The following CPLANE1 variants were observed in gnomAD, a reference collection of about 807,000 sequenced individuals.
CPLANE1 encodes the protein ciliogenesis and planar polarity effector complex subunit 1.
In CPLANE1, 263 loss-of-function variants were observed where a neutral mutation model predicts 362.5. The ratio of observed to expected loss-of-function variants is 0.73; its 90% CI spans 0.66 to 0.80. The LOEUF (loss-of-function observed/expected upper bound fraction) is 0.80, where lower values mean the gene tolerates loss of function less well. Among genes scored for constraint, CPLANE1 ranks in the 30% least tolerant of loss-of-function variants. The pLI is 0.00. For synonymous variants in CPLANE1, 1,212 were observed against 1,302.6 expected (o/e 0.93, Z 1.50); for missense variants, 3,461 against 3,793.4 (o/e 0.91, Z 2.30).
rs779755677 is a variant in CPLANE1 at position 37,173,862 on chromosome 5, C to G, written c.6064G>C (p.Ala2022Pro). ...CTCTGGGTCTTCTGAGGTGTTGGAG[C>G]AGGTGGTTGTGAAGCAACATTGACT... is the stretch of plus-strand genomic sequence containing the variant. ...NGVNVASQPP[A>P]PTPQKTQRNE... The change falls in exon 32 of 53, where the codon GCT becomes CCT. Residue 2022 changes from alanine (A) to proline (P), a missense_variant. Physicochemically the swap from Ala to Pro is conservative, Grantham distance 27. Around this residue, in one of 2 missense-constraint regions of CPLANE1, gnomAD observed 3,380 missense variants for 3,666.1 expected, o/e 0.92. Transcript: ENST00000651892. 9.3e-6 allele frequency: 15 copies of G among 1,613,960 alleles called. No homozygotes were observed. Among genetic ancestry groups the G allele is most frequent in the Admixed American group, 3.3e-5 (2 of 60,004 alleles).
At chr5:37,241,868 G>C (rs2150743729) in intron 6 of CPLANE1, among the ~76,000 whole-genome samples, 1 of 152,102 alleles carries the variant, frequency 6.6e-6, no homozygotes, top group East Asian at 1.9e-4. Context: ...GGGCTCAAGT[G>C]ATCCTCCTGC....
downstream of CPLANE1, among the ~76,000 whole-genome samples, chr5:37,102,347 C>A (rs1757333692): frequency 6.6e-6 from 1 of 152,042 alleles, no homozygotes; most frequent in Non-Finnish European, 1.5e-5. Flanking sequence ...ACCATCATGA[C>A]CGGCTAATTT....
chr5:37,139,272 T>G (rs1768882451), intron 45 of CPLANE1, 68 bp downstream of exon 45: 1 of 1,356,516 alleles, frequency 7.4e-7, no homozygotes, highest in South Asian at 1.4e-5. Flanking sequence ...CACACACATA[T>G]GAACAAAATT....
rs547705616 is a variant in CPLANE1, at chr5:37,125,273, G to A, written c.8929C>T (p.His2977Tyr). Reference protein sequence around the residue: ...NELAEKRGQEHDPFCPRSNPL... With the variant: ...NELAEKRGQEYDPFCPRSNPL... The stretch of plus-strand genomic sequence containing the variant: ...TTGCTTCTGGGACAGAAAGGATCAT[G>A]TTCTTGCCCTCTCTTTTCTGCCAGC... Residue 2977 changes from histidine to tyrosine, a missense_variant, in exon 47 of 53, where the codon CAT becomes TAT. Physicochemically the swap from His to Tyr is moderately conservative, Grantham distance 83. Transcript: ENST00000651892. 2.7e-5 allele frequency: 43 copies of A among 1,613,920 alleles called. No homozygotes were observed. In the South Asian group the frequency reaches 4.6e-4, roughly 17 times the overall value.
intron 20 of CPLANE1, 88 bp downstream of exon 20, chr5:37,198,614 G>T: frequency 7.6e-7 from 1 of 1,311,726 alleles, no homozygotes; most frequent in Non-Finnish European, 1.0e-6. Flanking sequence ...AGGACTCCTT[G>T]GGAAAATATA....
intron 43 of CPLANE1, among the ~76,000 whole-genome samples, chr5:37,143,837 A>G (rs1770550103): frequency 6.6e-6 from 1 of 151,866 alleles, no homozygotes; most frequent in Non-Finnish European, 1.5e-5. Flanking sequence ...TGGAAGGCTG[A>G]GACAGGAGAA....
chr5:37,214,009 T>A (rs556837646), intron 15 of CPLANE1, among the ~76,000 whole-genome samples: 1 of 152,220 alleles, frequency 6.6e-6, no homozygotes, highest in South Asian at 2.1e-4. Context: ...AGAAAATGTT[T>A]TGGAGATTTG....
At chr5:37,196,871 G>A (rs1014714684) in intron 20 of CPLANE1, among the ~76,000 whole-genome samples, 3 of 151,966 alleles carry the variant, frequency 2.0e-5, no homozygotes, top group Non-Finnish European at 4.4e-5. Context: ...GTTGCGGTGA[G>A]CCGAGACCAT....
At chr5:37,218,183 A>G (rs1301384803) in intron 15 of CPLANE1, among the ~76,000 whole-genome samples, 3 of 152,112 alleles carry the variant, frequency 2.0e-5, no homozygotes, top group African/African-American at 4.8e-5. Context: ...CCTAACTGAT[A>G]AGAAGAGCTC....
Position 37,138,855 on chromosome 5 carries a change from T to C in CPLANE1, c.8664-7A>G. ...GAGCGGATGTACTGAAACACTTCAT[T>C]TGCAAATGTAATTTAAGAAATATAA... On this transcript the variant is annotated splice_polypyrimidine_tract_variant and splice_region_variant and intron_variant, in intron 45 of 52. Coordinates refer to ENST00000651892, the MANE Select transcript of CPLANE1 (RefSeq NM_001384732.1). 6.3e-7 allele frequency: 1 copy of C among 1,594,940 alleles called. No homozygotes were observed.
At chr5:37,181,286 G>A (rs1043024270) in intron 26 of CPLANE1, among the ~76,000 whole-genome samples, 5 of 151,938 alleles carry the variant, frequency 3.3e-5, no homozygotes, top group African/African-American at 9.7e-5. Flanking sequence ...ACAAAACAAT[G>A]GCAAAAAAAT....
At chr5:37,110,249 C>T (rs1431293388) in intron 51 of CPLANE1, among the ~76,000 whole-genome samples, 1 of 152,166 alleles carries the variant, frequency 6.6e-6, no homozygotes, top group Non-Finnish European at 1.5e-5. Flanking sequence ...CCCACCATAT[C>T]TCTCGTCACC....
intron 6 of CPLANE1, among the ~76,000 whole-genome samples, chr5:37,242,540 T>C (rs1379201620): frequency 6.6e-6 from 1 of 152,204 alleles, no homozygotes; most frequent in African/African-American, 2.4e-5. Flanking sequence ...AACCATAGCT[T>C]GTCTTATCTT....
rs758814412 is a variant in CPLANE1, at chr5:37,183,400, A to G, written c.4781T>C (p.Phe1594Ser). ...TCGTTTTAATGTTGTATGTACATCA[A>G]AAAGTAAAGAATTAAGTTCATGTTC... Reference protein sequence around the residue: ...LREHELNSLLFDVHTTLKRHQ... With the variant: ...LREHELNSLLSDVHTTLKRHQ... The change falls in exon 26 of 53, where the codon TTT becomes TCT. Residue 1594 changes from phenylalanine (F) to serine (S), a missense_variant. This residue lies in a region of CPLANE1 where 3,380 missense variants were observed against 3,666.1 expected (regional missense o/e 0.92). Transcript: ENST00000651892. 1 of 1,613,506 alleles carries G rather than the reference A, an allele frequency of 6.2e-7. No homozygotes were observed. Among genetic ancestry groups the G allele is most frequent in the East Asian group, 2.2e-5 (1 of 44,834 alleles).
intron 38 of CPLANE1, among the ~76,000 whole-genome samples, chr5:37,159,777 CT>C (rs893571728): frequency 1.3e-5 from 2 of 152,084 alleles, no homozygotes; most frequent in African/African-American, 4.8e-5. Flanking sequence ...GGTTTAACCG[CT>C]TTTTTAAGGG....
chr5:37,241,484 T>C (rs1201038559), intron 6 of CPLANE1, among the ~76,000 whole-genome samples: 2 of 151,932 alleles, frequency 1.3e-5, no homozygotes, highest in African/African-American at 4.8e-5. Context: ...GATAGATAGA[T>C]AGGTAGATAG....
At chr5:37,205,792 C>A (rs1790542455) in intron 17 of CPLANE1, among the ~76,000 whole-genome samples, 1 of 152,146 alleles carries the variant, frequency 6.6e-6, no homozygotes, top group Non-Finnish European at 1.5e-5. Flanking sequence ...CGGCTCACTG[C>A]AGCCTTGACC....
downstream of CPLANE1, among the ~76,000 whole-genome samples, chr5:37,101,895 T>G (rs1757309286): frequency 6.6e-6 from 1 of 152,170 alleles, no homozygotes; most frequent in Non-Finnish European, 1.5e-5. Context: ...CATAGAGGTG[T>G]TTATAGTATT....
At chr5:37,135,702 A>T (rs949406007) in intron 46 of CPLANE1, among the ~76,000 whole-genome samples, 2 of 152,062 alleles carry the variant, frequency 1.3e-5, no homozygotes, top group South Asian at 4.1e-4. Flanking sequence ...ACGTGGTGGC[A>T]CGTGCCTGTA....
Sources: gnomAD v4.1 joint callset for allele counts (sites outside exome capture counted in the v4.1 genomes callset) on GRCh38, gnomAD v4.1.1 for gene constraint, gnomAD v4.1.1 regional missense constraint, MANE v1.5 for transcripts, NCBI Gene and HGNC (gene_info 2026-07-23, HGNC 2026-07-21) for gene names.